Variants in ZNF708 observed in about 807,000 individuals in gnomAD.
The protein encoded by ZNF708 is ZNF15, ZNF15L1.
A neutral mutation model predicts 47.0 loss-of-function variants in ZNF708; 44 were observed. That is an observed-to-expected ratio of 0.94 (90% CI 0.74 to 1.20). The LOEUF (loss-of-function observed/expected upper bound fraction) is 1.20, where lower values mean the gene tolerates loss of function less well. ZNF708 is among the 50% of genes most tolerant of loss of function. The pLI, the probability that ZNF708 is intolerant of heterozygous loss-of-function variation, is 0.00. For missense variants in ZNF708, 557 were observed against 656.0 expected (o/e 0.85, Z 1.65); for synonymous variants, 184 against 218.5 (o/e 0.84, Z 1.39).
rs541205915 is a variant in ZNF708 at position 21,317,747 on chromosome 19, G to T, written c.4-7120C>A. 8.6e-3 allele frequency among the ~76,000 whole-genome samples: 1,311 copies of T among 152,316 alleles called. 8 individuals carry two copies. The highest frequency in any genetic ancestry group is 0.014 in the Non-Finnish European group (929 of 68,030). On this transcript the variant is annotated intron_variant, in intron 1 of 3. Transcript: ENST00000356929. ...CAAGTCGAAGAATTTACAGCACCATGTCATACAGAGCTCATCCTAAATTCA... is the reference window on the plus strand; with the variant it reads ...CAAGTCGAAGAATTTACAGCACCATTTCATACAGAGCTCATCCTAAATTCA...
chr19:21,301,008 T>C (rs1471476055), intron 3 of ZNF708, among the ~76,000 whole-genome samples: 3 of 152,088 alleles, frequency 2.0e-5, no homozygotes, highest in African/African-American at 4.8e-5. Context: ...CACAATTTAT[T>C]GGTGTGAGGT....
chr19:21,309,191 T>G (rs971045216), intron 3 of ZNF708, 55 bp downstream of exon 3: 64 of 1,456,746 alleles, frequency 4.4e-5, no homozygotes, highest in Non-Finnish European at 5.6e-6. Flanking sequence ...ACTGGTTTTC[T>G]CTTTTACCTT....
intron 3 of ZNF708, among the ~76,000 whole-genome samples, chr19:21,302,503 G>A (rs1187243874): frequency 6.6e-6 from 1 of 151,926 alleles, no homozygotes; most frequent in African/African-American, 2.4e-5. Context: ...TTTGAGACCA[G>A]ACTGCCCAAC....
chr19:21,300,421 G>C (rs1270660607), intron 3 of ZNF708, among the ~76,000 whole-genome samples: 2 of 150,466 alleles, frequency 1.3e-5, no homozygotes, highest in Non-Finnish European at 3.0e-5. Context: ...CAAGAGAATT[G>C]CTTGAACCTG....
chr19:21,325,848 A>G (rs932228553), intron 1 of ZNF708, among the ~76,000 whole-genome samples: 11 of 152,336 alleles, frequency 7.2e-5, no homozygotes, highest in Middle Eastern at 3.4e-3. Flanking sequence ...AGAGTCTACA[A>G]CAAACCCAAA....
chr19:21,299,301 C>T (rs1348120593), intron 3 of ZNF708, among the ~76,000 whole-genome samples: 1 of 151,872 alleles, frequency 6.6e-6, no homozygotes, highest in Non-Finnish European at 1.5e-5. Flanking sequence ...TGCAATGAGG[C>T]GAGATTGCAC....
chr19:21,298,186 C>A (rs561523180), intron 3 of ZNF708, among the ~76,000 whole-genome samples: 1 of 152,084 alleles, frequency 6.6e-6, no homozygotes, highest in African/African-American at 2.4e-5. Context: ...ACAATTATTT[C>A]TAACAGAGGT....
intron 3 of ZNF708, among the ~76,000 whole-genome samples, chr19:21,308,525 C>T (rs1465455114): frequency 1.3e-5 from 2 of 152,214 alleles, no homozygotes; most frequent in Non-Finnish European, 2.9e-5. Flanking sequence ...GTGATCCACC[C>T]ATCTCGGCCT....
intron 3 of ZNF708, among the ~76,000 whole-genome samples, chr19:21,308,892 T>C (rs1311188041): frequency 1.3e-5 from 2 of 152,094 alleles, no homozygotes; most frequent in Non-Finnish European, 2.9e-5. Context: ...TCAGACATGA[T>C]GCAAAAAGAG....
At position 21,294,635 on chromosome 19, in the gene ZNF708, C is replaced by G. The variant is rs762374956; in HGVS notation, c.331G>C (p.Gly111Arg). 1 of 1,612,430 alleles carries G rather than the reference C, an allele frequency of 6.2e-7. No individual in the cohort carries two copies. Among genetic ancestry groups the G allele is most frequent in the Non-Finnish European group, 8.5e-7 (1 of 1,178,704 alleles). The change falls in exon 4 of 4, where the codon GGC becomes CGC. Residue 111 changes from glycine to arginine, a missense_variant. By Grantham distance (125) the Gly-to-Arg change is moderately radical. Transcript: ENST00000356929. ...TTATGCTCATCCACACTTTTACAGC[C>G]TTTCTGATATCCACATTTTCCATAT... ...RRYGKCGYQK[G>R]CKSVDEHKLH...
chr19:21,324,696 T>C (rs1243466871), intron 1 of ZNF708, among the ~76,000 whole-genome samples: 1 of 152,196 alleles, frequency 6.6e-6, no homozygotes, highest in Non-Finnish European at 1.5e-5. Context: ...AAACAATAAA[T>C]GCATTATTTT....
intron 1 of ZNF708, among the ~76,000 whole-genome samples, chr19:21,320,921 C>A (rs1158893317): frequency 6.6e-6 from 1 of 151,830 alleles, no homozygotes; most frequent in African/African-American, 2.4e-5. Flanking sequence ...GCGGGTGGAT[C>A]ACGAGGTCAG....
intron 1 of ZNF708, chr19:21,318,049 T>C (rs912056798): frequency 1.3e-5 from 2 of 152,234 alleles, no homozygotes; most frequent in South Asian, 4.1e-4. Context: ...ACCCCTACCA[T>C]CTGCCAATGA....
At chr19:21,297,572 C>A (rs1972565878) in intron 3 of ZNF708, among the ~76,000 whole-genome samples, 1 of 122,460 alleles carries the variant, frequency 8.2e-6, no homozygotes. Flanking sequence ...GACAAAGATA[C>A]AAGAATTAAA....
rs2145147198 is a variant in ZNF708 at position 21,294,597 on chromosome 19, T to C, written c.369A>G (p.Gly123=). 1 of 1,614,122 alleles carries C rather than the reference T, an allele frequency of 6.2e-7. No homozygotes were observed. The highest frequency in any genetic ancestry group is 2.2e-5 in the East Asian group (1 of 44,864). ...KSVDEHKLHK[G]GHKGLNRCVT... is the part of the protein sequence containing the mutation. ...CACACCGGTTAAGTCCCTTGTGACC[T>C]CCTTTGTGCAACTTATGCTCATCCA... is the stretch of plus-strand genomic sequence containing the variant. The change falls in exon 4 of 4, where the codon GGA becomes GGG. Residue 123 remains glycine (G), a synonymous_variant. Transcript: ENST00000356929.
At chr19:21,296,846 T>A (rs1436288965) in intron 3 of ZNF708, among the ~76,000 whole-genome samples, 2 of 151,528 alleles carry the variant, frequency 1.3e-5, no homozygotes, top group African/African-American at 4.9e-5. Flanking sequence ...AAATAAATAA[T>A]TAGTGGCCAG....
Position 21,293,149 on chromosome 19 carries a change from G to T in ZNF708, c.*125C>A. Reference sequence around the variant, plus strand: ...TTCTCTCTAGTATGAATTATCTTTTGTTTCATAAGGATTAAGAGCCAGTTA... The same window carrying T: ...TTCTCTCTAGTATGAATTATCTTTTTTTTCATAAGGATTAAGAGCCAGTTA... On this transcript the variant is annotated 3_prime_UTR_variant, in exon 4 of 4. Coordinates refer to ENST00000356929, the MANE Select transcript of ZNF708 (RefSeq NM_021269.3). 1.7e-6 allele frequency: 2 copies of T among 1,181,992 alleles called. No individual in the cohort carries two copies. Among genetic ancestry groups the T allele is most frequent in the Non-Finnish European group, 2.4e-6 (2 of 823,114 alleles). The allele number at this position is 1,181,992 out of a possible 1,614,324, so 73.2% of individuals were successfully genotyped here.
chr19:21,295,820 T>TGTG (rs1972516407), intron 3 of ZNF708, among the ~76,000 whole-genome samples: 1 of 151,990 alleles, frequency 6.6e-6, no homozygotes, highest in South Asian at 2.1e-4. Flanking sequence ...ACACAAAATA[T>TGTG]TAGGGCAGGA....
At position 21,293,195 on chromosome 19, in the gene ZNF708, A is replaced by G; in HGVS notation, c.*79T>C. The G allele has an allele frequency of 6.0e-6, 9 of 1,497,382 alleles. No individual in the cohort carries two copies. Among genetic ancestry groups the G allele is most frequent in the Non-Finnish European group, 7.3e-6 (8 of 1,097,920 alleles). 92.8% of individuals were successfully genotyped at this position (1,497,382 alleles called of 1,614,324 possible). ...AGTTAAAGGCTTTGCCACATTTATCACATTTGTAGGATTTCTCTCCAGTAT... is the reference window on the plus strand; with the variant it reads ...AGTTAAAGGCTTTGCCACATTTATCGCATTTGTAGGATTTCTCTCCAGTAT... On this transcript the variant is annotated 3_prime_UTR_variant, in exon 4 of 4. Transcript: ENST00000356929.
Sources: allele counts gnomAD v4.1 joint callset (sites outside exome capture counted in the v4.1 genomes callset), GRCh38; gene constraint gnomAD v4.1.1; transcripts MANE v1.5; gene names NCBI Gene and HGNC (gene_info 2026-07-23, HGNC 2026-07-21).